Variants in KNTC1 observed in about 807,000 individuals in gnomAD.
KNTC1 encodes kinetochore associated 1, also known as kinetochore-associated protein 1.
KNTC1 carries 253 observed loss-of-function variants against 314.4 expected under a neutral mutation model. The ratio of observed to expected loss-of-function variants is 0.80; its 90% confidence interval spans 0.73 to 0.89. The LOEUF (loss-of-function observed/expected upper bound fraction) is 0.89. Among genes scored for constraint, KNTC1 ranks in the 40% least tolerant of loss-of-function variants. The pLI is 0.00. For missense variants in KNTC1, 2,475 were observed against 2,572.9 expected (o/e 0.96, Z 0.82); for synonymous variants, 901 against 901.4 (o/e 1.00, Z 0.01).
At chr12:122,606,496 A>G (rs1872608665) in intron 51 of KNTC1, among the ~76,000 whole-genome samples, 2 of 151,940 alleles carry the variant, frequency 1.3e-5, no homozygotes, top group Admixed American at 1.3e-4. Flanking sequence ...GGGATTACAG[A>G]CATGAGCCAC....
chr12:122,586,788 A>G lies in KNTC1; in HGVS notation c.3730+31A>G, dbSNP rs541432894. 8.6e-5 allele frequency: 67 copies of G among 781,178 alleles called. No individual in the cohort carries two copies. In the South Asian group the frequency reaches 2.2e-3, roughly 26 times the overall value. The allele number at this position is 781,178 out of a possible 1,614,324, so 48.4% of individuals were successfully genotyped here. The stretch of plus-strand genomic sequence containing the variant: ...TGGCACAAGAAATATATAGCATTCT[A>G]TTAATATTTATTTATTTATTTATTT... On this transcript the variant is annotated intron_variant, in intron 38 of 63. Coordinates refer to ENST00000333479, the MANE Select transcript of KNTC1 (RefSeq NM_014708.6).
At chr12:122,620,330 C>T in intron 59 of KNTC1, 149 bp from the exon 60 acceptor site, 2 of 610,398 alleles carry the variant, frequency 3.3e-6, no homozygotes, top group South Asian at 2.1e-5. Flanking sequence ...ACTTGTGTTA[C>T]TCATTCCTAA....
At position 122,590,642 on chromosome 12, in the gene KNTC1, G is replaced by T. The variant is rs376380873; in HGVS notation, c.4035G>T (p.Ala1345=). The T allele has an allele frequency of 1.9e-6, 3 of 1,613,410 alleles. No homozygotes were observed. The highest frequency in any genetic ancestry group is 2.7e-5 in the African/African-American group (2 of 74,990). Residue 1345 remains alanine, a synonymous_variant, in exon 41 of 64, where the codon GCG becomes GCT. Coordinates refer to ENST00000333479, the MANE Select transcript of KNTC1 (RefSeq NM_014708.6). ...FNCRLVDLDL[A]LGYCTLLPQK... ...GTCGCTTGGTAGATCTTGACCTGGC[G>T]TTGGGTTACTGCACTCTCTTACCTC...
intron 56 of KNTC1, 143 bp from the exon 57 acceptor site, chr12:122,615,327 C>T: frequency 1.3e-6 from 1 of 796,714 alleles, no homozygotes; most frequent in East Asian, 2.7e-5. Context: ...TATTTATGAA[C>T]TTGTAAGTGA....
rs1362186537 is a variant in KNTC1 at position 122,573,283 on chromosome 12, G to A, written c.2281G>A (p.Glu761Lys). ...GGAGGAACTTCTCTTGCTGTACATA[G>A]AGGTAACTTTTCCTTTACATCTAGT... ...QEEELLLLYI[E>K]DLLNRCSSKS... is the part of the protein sequence containing the mutation. Residue 761 changes from glutamate to lysine, a missense_variant and splice_region_variant, in exon 26 of 64, where the codon GAG becomes AAG. Glu to Lys is a moderately conservative substitution (Grantham distance 56). Coordinates refer to ENST00000333479, the MANE Select transcript of KNTC1 (RefSeq NM_014708.6). 1.9e-6 allele frequency: 3 copies of A among 1,613,042 alleles called. No homozygotes were observed. Among genetic ancestry groups the A allele is most frequent in the East Asian group, 4.5e-5 (2 of 44,866 alleles).
At chr12:122,614,966 G>A in intron 55 of KNTC1, 25 bp from the exon 56 acceptor site, 1 of 1,569,062 alleles carries the variant, frequency 6.4e-7, no homozygotes, top group Non-Finnish European at 8.7e-7. Flanking sequence ...GGAATAGCAT[G>A]ATTTTTTTCT....
Position 122,585,728 on chromosome 12 carries a change from G to A in KNTC1, c.3627G>A (p.Val1209=), listed in dbSNP as rs1036083860. Residue 1209 remains valine, a synonymous_variant, in exon 37 of 64, where the codon GTG becomes GTA. Transcript: ENST00000333479. Reference sequence around the variant, plus strand: ...GAATTGTTCTTGAGTCACAGATGGTGCTTCCAGTGATTTATGAACTGATTT... The same window carrying A: ...GAATTGTTCTTGAGTCACAGATGGTACTTCCAGTGATTTATGAACTGATTT... The part of the protein sequence containing the change: ...EDGIVLESQM[V]LPVIYELISS... 1 of 1,613,602 alleles carries A rather than the reference G, an allele frequency of 6.2e-7. No individual in the cohort carries two copies. The highest frequency in any genetic ancestry group is 1.7e-5 in the Admixed American group (1 of 60,020).
chr12:122,605,115 C>T, intron 50 of KNTC1, 28 bp downstream of exon 50: 3 of 1,557,596 alleles, frequency 1.9e-6, no homozygotes, highest in Non-Finnish European at 2.6e-6. Context: ...TTTTTGTTGT[C>T]CAAGAAAAGC....
intron 34 of KNTC1, 138 bp from the exon 35 acceptor site, chr12:122,584,140 A>T: frequency 1.5e-6 from 1 of 676,782 alleles, no homozygotes; most frequent in South Asian, 2.0e-5. Context: ...ACAAAAGAAA[A>T]ACTACACTAT....
At position 122,584,333 on chromosome 12, in the gene KNTC1, T is replaced by C. The variant is rs1423466477; in HGVS notation, c.3319T>C (p.Cys1107Arg). 1.2e-6 allele frequency: 2 copies of C among 1,613,648 alleles called. No homozygotes were observed. The highest frequency in any genetic ancestry group is 8.5e-7 in the Non-Finnish European group (1 of 1,179,620). ...CACTGGGAAATTGCTATTTCTGACA[T>C]GTCAGAAGCTTTGTCAGATGTTGGC... The part of the protein sequence containing the change: ...ADTGKLLFLT[C>R]QKLCQMLADN... The change falls in exon 35 of 64, where the codon TGT becomes CGT. Residue 1107 changes from cysteine (C) to arginine (R), a missense_variant. Physicochemically the swap from Cys to Arg is radical, Grantham distance 180. Coordinates refer to ENST00000333479, the MANE Select transcript of KNTC1 (RefSeq NM_014708.6).
intron 1 of KNTC1, among the ~76,000 whole-genome samples, chr12:122,528,821 G>A (rs772137540): frequency 6.6e-6 from 1 of 152,084 alleles, no homozygotes; most frequent in East Asian, 1.9e-4. Context: ...GGAACACATG[G>A]ATATTGACGG....
intron 30 of KNTC1, 120 bp downstream of exon 30, chr12:122,577,149 C>A: frequency 1.5e-6 from 1 of 681,880 alleles, no homozygotes. Context: ...TGTGTTTCAC[C>A]ATGTTGGTCA....
chr12:122,601,869 C>A (rs977368440), intron 45 of KNTC1: 2 of 306,934 alleles, frequency 6.5e-6, no homozygotes, highest in Non-Finnish European at 1.2e-5. Context: ...AATAACCTCT[C>A]CTGCTGTCGA....
intron 2 of KNTC1, among the ~76,000 whole-genome samples, chr12:122,532,191 G>A (rs11058602): frequency 0.31 from 44,285 of 144,968 alleles, 8,194 homozygotes; most frequent in Non-Finnish European, 0.38. Context: ...CTGCCACCAC[G>A]CCTGGCTAAT....
Position 122,626,153 on chromosome 12 carries a change from T to A in KNTC1, c.6607-52T>A, listed in dbSNP as rs894448352. 3.8e-6 allele frequency: 5 copies of A among 1,327,464 alleles called. No individual in the cohort carries two copies. In the African/African-American group the frequency reaches 7.2e-5, roughly 19 times the overall value. 82.2% of individuals were successfully genotyped at this position (1,327,464 alleles called of 1,614,324 possible). On this transcript the variant is annotated intron_variant, in intron 63 of 63. Coordinates refer to ENST00000333479, the MANE Select transcript of KNTC1 (RefSeq NM_014708.6). ...TGTAGTTTATCTGACCATTTTCAAT[T>A]TGAAAAACTAAGTGACTTATAAAAA...
chr12:122,571,127 G>A lies in KNTC1; in HGVS notation c.2019+1G>A, dbSNP rs1295727075. On this transcript the variant is annotated splice_donor_variant, in intron 24 of 63. Transcript: ENST00000333479. LOFTEE classifies it high-confidence loss of function. ...ATCTTCCTGGCATTGGATTTCCTTGGTATGATGTGAGAATGGATTTTTAGT... is the reference window on the plus strand; with the variant it reads ...ATCTTCCTGGCATTGGATTTCCTTGATATGATGTGAGAATGGATTTTTAGT... 1.9e-6 allele frequency: 3 copies of A among 1,607,840 alleles called. No homozygotes were observed. In the Admixed American group the frequency reaches 5.0e-5, roughly 27 times the overall value.
intron 1 of KNTC1, 165 bp downstream of exon 1, chr12:122,527,516 G>C (rs1960795939): frequency 6.6e-6 from 1 of 152,518 alleles, no homozygotes. Context: ...TTTAAGTATG[G>C]AGGCCTAACT....
At chr12:122,567,440 C>G (rs956046879) in intron 20 of KNTC1, among the ~76,000 whole-genome samples, 5 of 152,134 alleles carry the variant, frequency 3.3e-5, no homozygotes, top group Non-Finnish European at 5.9e-5. Context: ...TTCATTTGAT[C>G]TTGTTTTTTC....
intron 16 of KNTC1, among the ~76,000 whole-genome samples, chr12:122,556,940 T>TTA (rs71085823): frequency 1.8e-4 from 26 of 141,398 alleles, no homozygotes; most frequent in Non-Finnish European, 3.3e-4. Context: ...TTTTTTTTTT[T>TTA]AAATAGGGTC....
Sources: allele counts gnomAD v4.1 joint callset (sites outside exome capture counted in the v4.1 genomes callset), GRCh38; gene constraint gnomAD v4.1.1; transcripts MANE v1.5; gene names NCBI Gene and HGNC (gene_info 2026-07-23, HGNC 2026-07-21).